Variants in RAB3IP observed in about 807,000 individuals in gnomAD.
RAB3IP encodes RAB3A interacting protein, also known as rab-3A-interacting protein.
RAB3IP carries 36 observed loss-of-function variants against 59.1 expected under a neutral mutation model. That is an observed-to-expected ratio of 0.61 (90% CI 0.47 to 0.80). The LOEUF is 0.80. RAB3IP is among the 30% of genes least tolerant of loss of function. The pLI, the probability that RAB3IP is intolerant of heterozygous loss-of-function variation, is 0.00. For missense variants in RAB3IP, 511 were observed against 536.0 expected (o/e 0.95, Z 0.46); for synonymous variants, 207 against 191.2 (o/e 1.08, Z -0.68).
intron 3 of RAB3IP, among the ~76,000 whole-genome samples, chr12:69,766,386 T>C (rs1485254533): frequency 6.6e-6 from 1 of 152,194 alleles, no homozygotes; most frequent in Non-Finnish European, 1.5e-5. Flanking sequence ...TTGACCAGGT[T>C]AATTCCAAAG....
chr12:69,792,965 A>G (rs957220394), intron 4 of RAB3IP, among the ~76,000 whole-genome samples: 3 of 152,230 alleles, frequency 2.0e-5, no homozygotes, highest in African/African-American at 7.2e-5. Flanking sequence ...TTCTCTCCAT[A>G]GTATGAATTA....
chr12:69,789,149 C>T (rs955228044), intron 4 of RAB3IP, among the ~76,000 whole-genome samples: 1 of 151,768 alleles, frequency 6.6e-6, no homozygotes, highest in Admixed American at 6.6e-5. Flanking sequence ...CCAAACTTAG[C>T]AGAGGGAAGG....
chr12:69,779,321 C>T (rs1377503447), intron 3 of RAB3IP: 3 of 147,096 alleles, frequency 2.0e-5, no homozygotes, highest in Non-Finnish European at 4.5e-5. Context: ...GTCTGGCACT[C>T]CCTAGTGAGA....
intron 3 of RAB3IP, among the ~76,000 whole-genome samples, chr12:69,763,560 A>G (rs911344991): frequency 6.6e-6 from 1 of 152,152 alleles, no homozygotes; most frequent in Non-Finnish European, 1.5e-5. Flanking sequence ...ATCTCCTATT[A>G]TAATTCTTTG....
At chr12:69,779,337 C>G (rs1178986150) in intron 3 of RAB3IP, among the ~76,000 whole-genome samples, 7 of 148,790 alleles carry the variant, frequency 4.7e-5, no homozygotes, top group Non-Finnish European at 1.0e-4. Context: ...TGAGATGAAC[C>G]CGGTACCTCA....
chr12:69,752,123 C>T (rs1351860727), intron 1 of RAB3IP, among the ~76,000 whole-genome samples: 2 of 150,992 alleles, frequency 1.3e-5, no homozygotes, highest in African/African-American at 2.4e-5. Context: ...CCCATCTTAG[C>T]CTCCCAAGTG....
chr12:69,814,639 C>T (rs28707297), intron 10 of RAB3IP, among the ~76,000 whole-genome samples: 32,156 of 151,490 alleles, frequency 0.21, 4,134 homozygotes, highest in Middle Eastern at 0.34. Context: ...CATTGCCAAA[C>T]GTACCCTGGA....
intron 1 of RAB3IP, chr12:69,739,548 A>C (rs1270689559): frequency 3.0e-5 from 14 of 468,102 alleles, no homozygotes; most frequent in Non-Finnish European, 5.0e-5. Flanking sequence ...TTCGTGTCCC[A>C]GTCTTAGGAA....
chr12:69,799,251 G>A (rs1352450048), intron 6 of RAB3IP, among the ~76,000 whole-genome samples: 1 of 152,190 alleles, frequency 6.6e-6, no homozygotes, highest in African/African-American at 2.4e-5. Context: ...CCTAGAGGCA[G>A]TCTGTAGCTG....
At chr12:69,788,710 A>G (rs1876126412) in intron 4 of RAB3IP, among the ~76,000 whole-genome samples, 1 of 152,142 alleles carries the variant, frequency 6.6e-6, no homozygotes, top group Non-Finnish European at 1.5e-5. Flanking sequence ...AAATGGATCT[A>G]ACAGATACGT....
chr12:69,746,712 A>C (rs567001640), intron 1 of RAB3IP, among the ~76,000 whole-genome samples: 1 of 152,328 alleles, frequency 6.6e-6, no homozygotes, highest in Non-Finnish European at 1.5e-5. Flanking sequence ...AAGGTTTTTA[A>C]AGAAGTGATG....
intron 8 of RAB3IP, among the ~76,000 whole-genome samples, chr12:69,803,744 G>A (rs1392675241): frequency 5.9e-5 from 9 of 152,052 alleles, no homozygotes; most frequent in African/African-American, 1.4e-4. Context: ...GAGAATGTGC[G>A]GTGTTTGGTT....
intron 1 of RAB3IP, among the ~76,000 whole-genome samples, chr12:69,754,175 C>A (rs1441147133): frequency 6.6e-6 from 1 of 152,104 alleles, no homozygotes; most frequent in Non-Finnish European, 1.5e-5. Flanking sequence ...AGGATTGGAT[C>A]CTGTACATAT....
chr12:69,807,458 A>AT (rs1879587545), intron 8 of RAB3IP, among the ~76,000 whole-genome samples: 1 of 114,604 alleles, frequency 8.7e-6, no homozygotes. Flanking sequence ...CATCCCAGAC[A>AT]GGACGGCTGG....
At chr12:69,796,701 A>G (rs911422513) in intron 6 of RAB3IP, 2 of 574,962 alleles carry the variant, frequency 3.5e-6, no homozygotes, top group African/African-American at 3.8e-5. Context: ...CAAAATTCAC[A>G]TTGGTTTCTG....
intron 8 of RAB3IP, among the ~76,000 whole-genome samples, chr12:69,806,991 A>C (rs1452643867): frequency 6.6e-6 from 1 of 152,194 alleles, no homozygotes; most frequent in Non-Finnish European, 1.5e-5. Context: ...CTAGACAGAC[A>C]CAGTAACAAT....
In RAB3IP at chr12:69,821,853, C is replaced by T. The variant is rs755775425; in HGVS notation, c.*6407C>T. On this transcript the variant is annotated 3_prime_UTR_variant, in exon 11 of 11. Transcript: ENST00000247833. Reference sequence around the variant, plus strand: ...TGGCCCACCATCCTGGATTGTCTCCCTGACACCAAGGCTAAGGGACCCACT... The same window carrying T: ...TGGCCCACCATCCTGGATTGTCTCCTTGACACCAAGGCTAAGGGACCCACT... The T allele has an allele frequency of 6.6e-6, 1 of 152,194 alleles. No homozygotes were observed. The highest frequency in any genetic ancestry group is 2.4e-5 in the African/African-American group (1 of 41,444). 9.4% of individuals were successfully genotyped at this position (152,194 alleles called of 1,614,324 possible). A position where few individuals can be genotyped will look rare whatever the true frequency, so the allele number is the denominator to read the frequency against.
chr12:69,815,246 GT>G (rs1880998062), intron 10 of RAB3IP, 117 bp from the exon 11 acceptor site: 8 of 676,864 alleles, frequency 1.2e-5, no homozygotes. Context: ...TTGAAAAAAT[GT>G]AGGTACATCT....
At chr12:69,795,504 C>A in intron 6 of RAB3IP, 160 bp downstream of exon 6, 1 of 624,928 alleles carries the variant, frequency 1.6e-6, no homozygotes. Context: ...TTCAGGGATT[C>A]TTCAGTTCCA....
Sources: gnomAD v4.1 joint callset for allele counts (sites outside exome capture counted in the v4.1 genomes callset) on GRCh38, gnomAD v4.1.1 for gene constraint, MANE v1.5 for transcripts, NCBI Gene and HGNC (gene_info 2026-07-23, HGNC 2026-07-21) for gene names.